AKAP7: variants seen among roughly 807,000 people sequenced by gnomAD.
AKAP7 encodes the protein A kinase (PRKA) anchor protein 7.
A neutral mutation model predicts 39.5 loss-of-function variants in AKAP7; 39 were observed. The ratio of observed to expected loss-of-function variants is 0.99; its 90% confidence interval spans 0.76 to 1.29. The LOEUF is 1.29. Ranked by LOEUF, AKAP7 falls within the 50% of genes most tolerant of loss-of-function variation. The pLI, the probability that AKAP7 is intolerant of heterozygous loss-of-function variation, is 0.00. For synonymous variants in AKAP7, 140 were observed against 139.1 expected (o/e 1.01, Z -0.05); for missense variants, 414 against 407.7 (o/e 1.02, Z -0.13).
chr6:131,221,419 G>A (rs1029150948), intron 7 of AKAP7, among the ~76,000 whole-genome samples: 11 of 152,338 alleles, frequency 7.2e-5, no homozygotes, highest in South Asian at 4.1e-4. Context: ...GAAGCAGAAC[G>A]TGCTGATACA....
chr6:131,172,062 C>T (rs1804106383), intron 5 of AKAP7, among the ~76,000 whole-genome samples: 1 of 152,006 alleles, frequency 6.6e-6, no homozygotes, highest in Admixed American at 6.6e-5. Flanking sequence ...AAACTTTGTT[C>T]GTTGACGTCA....
chr6:131,187,160 A>G (rs1233178324), intron 5 of AKAP7, among the ~76,000 whole-genome samples: 2 of 152,098 alleles, frequency 1.3e-5, no homozygotes, highest in African/African-American at 4.8e-5. Context: ...TGCAGAAAAT[A>G]CCATTGGGAT....
intron 5 of AKAP7, among the ~76,000 whole-genome samples, chr6:131,172,186 A>G (rs1202732844): frequency 6.6e-6 from 1 of 152,228 alleles, no homozygotes; most frequent in Non-Finnish European, 1.5e-5. Flanking sequence ...TGATCAGTAT[A>G]CAAAAACCTA....
In AKAP7 at chr6:131,135,585, T is replaced by A; in HGVS notation, c.-179T>A. On this transcript the variant is annotated 5_prime_UTR_variant, in exon 1 of 8. Transcript: ENST00000431975. ...GGGAAGCTCCGCGCTTCCGCAGGCC[T>A]GGCCTCCGCCGCCCGGGCCCCCGCA... 1 of 381,606 alleles carries A rather than the reference T, an allele frequency of 2.6e-6. No homozygotes were observed. The highest frequency in any genetic ancestry group is 3.6e-6 in the Non-Finnish European group (1 of 277,558). The allele number at this position is 381,606 out of a possible 1,614,324, so 23.6% of individuals were successfully genotyped here.
chr6:131,161,239 CAA>C (rs1326032621), intron 3 of AKAP7, among the ~76,000 whole-genome samples: 1 of 152,058 alleles, frequency 6.6e-6, no homozygotes, highest in Non-Finnish European at 1.5e-5. Context: ...ATATACATAA[CAA>C]GAGAAGAGTT....
Position 131,135,752 on chromosome 6 carries a change from T to C in AKAP7, c.-12T>C. On this transcript the variant is annotated 5_prime_UTR_variant, in exon 1 of 8. It removes an upstream start codon present in the reference 5' UTR. Coordinates refer to ENST00000431975, the MANE Select transcript of AKAP7 (RefSeq NM_016377.4). Reference sequence around the variant, plus strand: ...CGCCAGCCCAGACGCGCCGCCCGCATGCGCCGCGACCATGGAGCGCCCCGA... The same window carrying C: ...CGCCAGCCCAGACGCGCCGCCCGCACGCGCCGCGACCATGGAGCGCCCCGA... The C allele has an allele frequency of 2.4e-6, 3 of 1,227,434 alleles. No homozygotes were observed. The highest frequency in any genetic ancestry group is 3.0e-6 in the Non-Finnish European group (3 of 987,082). 76.0% of individuals were successfully genotyped at this position (1,227,434 alleles called of 1,614,324 possible).
chr6:131,273,784 A>T (rs1258765626), intron 7 of AKAP7, among the ~76,000 whole-genome samples: 2 of 151,912 alleles, frequency 1.3e-5, no homozygotes, highest in Non-Finnish European at 2.9e-5. Flanking sequence ...CTGTAGTATC[A>T]TTTTCCTTCT....
At chr6:131,279,857 T>C (rs1456097943) in intron 7 of AKAP7, among the ~76,000 whole-genome samples, 1 of 152,180 alleles carries the variant, frequency 6.6e-6, no homozygotes, top group African/African-American at 2.4e-5. Context: ...TATTCCTTCA[T>C]TTGCAGTTGG....
chr6:131,232,765 T>C (rs1199353895), intron 7 of AKAP7, among the ~76,000 whole-genome samples: 3 of 152,002 alleles, frequency 2.0e-5, no homozygotes, highest in Admixed American at 6.6e-5. Context: ...GCACTCTAGT[T>C]TGAGGGACAA....
rs781501081 is a variant in AKAP7, at chr6:131,199,461, A to T, written c.590A>T (p.Glu197Val). Residue 197 changes from glutamate (E) to valine (V), a missense_variant and splice_region_variant, in exon 6 of 8, where the codon GAG becomes GTG. Physicochemically the swap from Glu to Val is moderately radical, Grantham distance 121. Transcript: ENST00000431975. The part of the protein sequence containing the change: ...DHVNSLLEIA[E>V]TANRTFQEKG... ...CTTTGTTTCTCTTTATTTTCTTCAGAGACTGCAAATAGGACATTTCAAGAA... is the reference window on the plus strand; with the variant it reads ...CTTTGTTTCTCTTTATTTTCTTCAGTGACTGCAAATAGGACATTTCAAGAA... 1.3e-6 allele frequency: 2 copies of T among 1,571,200 alleles called. No individual in the cohort carries two copies. Among genetic ancestry groups the T allele is most frequent in the Admixed American group, 3.5e-5 (2 of 57,406 alleles).
chr6:131,252,258 T>C (rs1237390272), intron 7 of AKAP7, among the ~76,000 whole-genome samples: 1 of 152,122 alleles, frequency 6.6e-6, no homozygotes, highest in African/African-American at 2.4e-5. Context: ...TTCCAAACTT[T>C]AAGAAAAAAA....
rs1809232444 is a variant in AKAP7 at position 131,216,872 on chromosome 6, A to G, written c.703-2789A>G. Among the ~76,000 whole-genome samples the G allele has an allele frequency of 2.0e-5, 3 of 152,200 alleles. No homozygotes were observed. The South Asian group carries it at 6.2e-4, about 31-fold the overall frequency. On this transcript the variant is annotated intron_variant, in intron 6 of 7. Coordinates refer to ENST00000431975, the MANE Select transcript of AKAP7 (RefSeq NM_016377.4). ...TCTAAGGACTAGACCATCAACAATC[A>G]TATTCAAAACTCCAGGGTTGCAACA...
At chr6:131,259,726 G>GAGA (rs765032794) in intron 7 of AKAP7, among the ~76,000 whole-genome samples, 2 of 152,192 alleles carry the variant, frequency 1.3e-5, no homozygotes, top group East Asian at 1.9e-4. Flanking sequence ...AATTGCCTGA[G>GAGA]AGAAGATTTT....
intron 7 of AKAP7, among the ~76,000 whole-genome samples, chr6:131,253,460 C>T (rs922980406): frequency 5.3e-5 from 8 of 152,152 alleles, no homozygotes; most frequent in East Asian, 1.9e-4. Context: ...TTCCTTGTGG[C>T]GGGAATATTT....
chr6:131,219,931 T>C (rs947699026), intron 7 of AKAP7, 123 bp downstream of exon 7: 5 of 681,668 alleles, frequency 7.3e-6, no homozygotes, highest in African/African-American at 1.9e-5. Context: ...TTCCTAAATA[T>C]TATGTTTTGA....
upstream of AKAP7, among the ~76,000 whole-genome samples, chr6:131,131,614 C>T (rs143833701): frequency 1.9e-3 from 283 of 151,994 alleles, 1 homozygote; most frequent in African/African-American, 6.4e-3. Context: ...TTTGGGAATA[C>T]GAAGACTTTA....
chr6:131,205,797 A>C (rs1425757452), intron 6 of AKAP7, among the ~76,000 whole-genome samples: 1 of 152,206 alleles, frequency 6.6e-6, no homozygotes, highest in African/African-American at 2.4e-5. Flanking sequence ...TAAAACATCA[A>C]AAGGAATCAT....
chr6:131,139,287 C>A (rs931169954), intron 1 of AKAP7, among the ~76,000 whole-genome samples: 2 of 152,036 alleles, frequency 1.3e-5, no homozygotes, highest in Non-Finnish European at 1.5e-5. Context: ...GTTAATAATT[C>A]CTATCTCAAA....
intron 5 of AKAP7, among the ~76,000 whole-genome samples, chr6:131,175,836 C>G (rs1804519542): frequency 6.6e-6 from 1 of 152,156 alleles, no homozygotes; most frequent in Admixed American, 6.5e-5. Context: ...AAGTTTCCCC[C>G]AGTTTATTGC....
Sources: gnomAD v4.1 joint callset for allele counts (sites outside exome capture counted in the v4.1 genomes callset) on GRCh38, gnomAD v4.1.1 for gene constraint, MANE v1.5 for transcripts, NCBI Gene and HGNC (gene_info 2026-07-23, HGNC 2026-07-21) for gene names.